Variants in DPP6 observed in about 807,000 individuals in gnomAD.
The protein encoded by DPP6 is A-type potassium channel modulatory protein DPP6.
Under a neutral mutation model 122.6 loss-of-function variants are expected in DPP6, and 69 were observed. The ratio of observed to expected loss-of-function variants is 0.56; its 90% CI spans 0.46 to 0.69. The LOEUF (loss-of-function observed/expected upper bound fraction) is 0.69, where lower values mean the gene tolerates loss of function less well. DPP6 is among the 30% of genes least tolerant of loss of function. DPP6 has a pLI of 0.00. For missense variants in DPP6, 928 were observed against 1,116.9 expected, an observed-to-expected ratio of 0.83 and a Z score of 2.41; for synonymous variants, 418 against 433.1, an observed-to-expected ratio of 0.97 and a Z score of 0.43.
At chr7:154,090,449 T>C (rs1302273461) in intron 1 of DPP6, among the ~76,000 whole-genome samples, 1 of 152,222 alleles carries the variant, frequency 6.6e-6, no homozygotes, top group African/African-American at 2.4e-5. Flanking sequence ...GATATGCCTA[T>C]TGAGAAGTAT....
chr7:154,577,592 C>A (rs954008593), intron 5 of DPP6, among the ~76,000 whole-genome samples: 5 of 152,122 alleles, frequency 3.3e-5, no homozygotes, highest in African/African-American at 9.7e-5. Context: ...TGACTCTTCT[C>A]CATGAACCAG....
At chr7:154,769,633 T>C in intron 9 of DPP6, 62 bp downstream of exon 9, 1 of 1,469,926 alleles carries the variant, frequency 6.8e-7, no homozygotes, top group Non-Finnish European at 9.1e-7. Context: ...CCAACCCTGC[T>C]CACTCAGTGT....
chr7:154,673,516 T>A (rs536973817), intron 7 of DPP6, among the ~76,000 whole-genome samples: 1 of 152,232 alleles, frequency 6.6e-6, no homozygotes, highest in African/African-American at 2.4e-5. Flanking sequence ...GGCCTGTGTG[T>A]TGTTAGTGGA....
intron 5 of DPP6, among the ~76,000 whole-genome samples, chr7:154,586,739 G>A (rs1263848169): frequency 6.6e-6 from 1 of 152,186 alleles, no homozygotes; most frequent in Non-Finnish European, 1.5e-5. Context: ...TGCTCGTGCT[G>A]TTTCCTCCAC....
At chr7:154,250,161 G>T (rs946419083) in intron 1 of DPP6, among the ~76,000 whole-genome samples, 3 of 152,118 alleles carry the variant, frequency 2.0e-5, no homozygotes, top group African/African-American at 7.2e-5. Context: ...AGAGTTGTGA[G>T]CCCTTAAAAG....
chr7:154,655,912 C>A (rs1837209653), intron 6 of DPP6, among the ~76,000 whole-genome samples: 1 of 152,158 alleles, frequency 6.6e-6, no homozygotes, highest in Non-Finnish European at 1.5e-5. Context: ...GAGCAAGTCG[C>A]TTTGGGCCTT....
chr7:154,423,270 A>G (rs755662550), intron 1 of DPP6, among the ~76,000 whole-genome samples: 3 of 152,156 alleles, frequency 2.0e-5, no homozygotes, highest in Admixed American at 6.5e-5. Context: ...AGGATTTAGT[A>G]GAGTCAGGGA....
rs182956921 is a variant in DPP6 at position 153,972,013 on chromosome 7, C to G, written c.51+84279C>G. On this transcript the variant is annotated intron_variant, in intron 1 of 25. Transcript: ENST00000404039. ...ATGACTCTCTTGTACTGCCTGTTGT[C>G]CAAAGTCTAAAACACATCATTCGTG... 4.5e-3 allele frequency among the ~76,000 whole-genome samples: 674 copies of G among 149,764 alleles called. 22 individuals carry two copies. The highest frequency in any genetic ancestry group is 0.016 in the African/African-American group (640 of 40,722).
chr7:153,869,078 G>A, the DPP6 span, among the ~76,000 whole-genome samples: 1 of 152,086 alleles, frequency 6.6e-6, no homozygotes, highest in Non-Finnish European at 1.5e-5. Context: ...CCAACTATGT[G>A]GTCAATTTTG....
chr7:154,482,123 G>A (rs1823358929), intron 3 of DPP6, among the ~76,000 whole-genome samples: 1 of 152,228 alleles, frequency 6.6e-6, no homozygotes, highest in South Asian at 2.1e-4. Context: ...GGATCATGCA[G>A]ATGAGTTCTC....
chr7:153,966,365 C>A (rs1458568318), intron 1 of DPP6, among the ~76,000 whole-genome samples: 1 of 150,188 alleles, frequency 6.7e-6, no homozygotes, highest in Non-Finnish European at 1.5e-5. Flanking sequence ...AGAGAAAACA[C>A]GCATCCTCAC....
At chr7:154,405,227 C>T (rs1815980904) in intron 1 of DPP6, among the ~76,000 whole-genome samples, 1 of 152,164 alleles carries the variant, frequency 6.6e-6, no homozygotes, top group South Asian at 2.1e-4. Context: ...CATTAAATTA[C>T]ATAGCGCTTC....
chr7:154,152,181 C>A lies in DPP6; in HGVS notation c.243+99118C>A, dbSNP rs566439352. Among the ~76,000 whole-genome samples the A allele has an allele frequency of 2.0e-5, 3 of 151,816 alleles. No homozygotes were observed. The South Asian group carries it at 6.3e-4, about 32-fold the overall frequency. On this transcript the variant is annotated intron_variant, in intron 1 of 25. Coordinates refer to ENST00000377770, the MANE Select transcript of DPP6 (RefSeq NM_130797.4). ...GTTGCTGGAGGTGCTGGCTACAGGG[C>A]AGTGACAGAGAAAGCAGTGGGGTAG...
intron 12 of DPP6, among the ~76,000 whole-genome samples, chr7:154,798,815 A>G (rs1370700548): frequency 6.6e-6 from 1 of 152,174 alleles, no homozygotes; most frequent in African/African-American, 2.4e-5. Flanking sequence ...CATGGACCCT[A>G]TTTTTCAAAA....
intron 20 of DPP6, chr7:154,876,415 C>T (rs567864954): frequency 2.8e-5 from 8 of 282,242 alleles, no homozygotes; most frequent in South Asian, 2.9e-4. Context: ...CCAGTGTCCA[C>T]GCATGTCTTT....
chr7:153,967,125 C>CTA (rs778717182), intron 1 of DPP6, among the ~76,000 whole-genome samples: 157 of 152,080 alleles, frequency 1.0e-3, no homozygotes, highest in Middle Eastern at 3.4e-3. Context: ...GAAGCAGATG[C>CTA]TAAAGAGATC....
intron 1 of DPP6, among the ~76,000 whole-genome samples, chr7:154,181,937 C>T (rs909003486): frequency 5.9e-5 from 9 of 151,824 alleles, no homozygotes; most frequent in Non-Finnish European, 1.0e-4. Context: ...TTAGTAGAGA[C>T]GGGGTTTGGT....
chr7:153,774,610 T>C, the DPP6 span, among the ~76,000 whole-genome samples: 5 of 152,244 alleles, frequency 3.3e-5, no homozygotes, highest in South Asian at 2.1e-4. Context: ...ATAGTTAATA[T>C]TCTTCCAAAA....
intron 1 of DPP6, among the ~76,000 whole-genome samples, chr7:154,315,522 A>C (rs948106081): frequency 6.6e-6 from 1 of 152,046 alleles, no homozygotes; most frequent in African/African-American, 2.4e-5. Flanking sequence ...TGTGGTCACC[A>C]TGGTCCCCAG....
Sources: allele counts gnomAD v4.1 joint callset (sites outside exome capture counted in the v4.1 genomes callset), GRCh38; gene constraint gnomAD v4.1.1; transcripts MANE v1.5; gene names NCBI Gene and HGNC (gene_info 2026-07-23, HGNC 2026-07-21).